The following SCUBE1 variants were observed in gnomAD, a reference collection of about 807,000 sequenced individuals.
SCUBE1 encodes signal peptide, CUB and EGF-like domain-containing protein 1.
SCUBE1 carries 59 observed loss-of-function variants against 124.4 expected under a neutral mutation model. The observed-to-expected ratio is 0.47, with a 90% CI of 0.38 to 0.59. The LOEUF (loss-of-function observed/expected upper bound fraction) is 0.59. Among genes scored for constraint, SCUBE1 ranks in the 20% least tolerant of loss-of-function variants. The pLI is 0.00. For synonymous variants in SCUBE1, 545 were observed against 550.9 expected (o/e 0.99, Z 0.15); for missense variants, 1,150 against 1,371.2 (o/e 0.84, Z 2.55).
intron 6 of SCUBE1, among the ~76,000 whole-genome samples, chr22:43,239,775 T>C (rs1371619762): frequency 6.6e-6 from 1 of 152,204 alleles, no homozygotes; most frequent in Non-Finnish European, 1.5e-5. Context: ...AAGCTGTGGC[T>C]GCATGGGCTT....
chr22:43,214,046 C>CGGGGGGGGGGGGGGGGGGGGGGGGGGG, intron 16 of SCUBE1, 44 bp downstream of exon 16: 21 of 422,702 alleles, frequency 5.0e-5, no homozygotes, highest in Non-Finnish European at 8.7e-5. Flanking sequence ...GAGGAGCCCC[C>CGGGGGGGGGGGGGGGGGGGGGGGGGGG]GCCCACCCCC....
intron 6 of SCUBE1, among the ~76,000 whole-genome samples, chr22:43,245,984 C>T (rs1228309568): frequency 6.6e-6 from 1 of 152,142 alleles, no homozygotes; most frequent in Non-Finnish European, 1.5e-5. Context: ...AGGGACGGTG[C>T]CCTGCAGGAC....
intron 4 of SCUBE1, among the ~76,000 whole-genome samples, chr22:43,272,764 C>T (rs142212138): frequency 6.6e-6 from 1 of 152,340 alleles, no homozygotes; most frequent in East Asian, 1.9e-4. Context: ...TTTGTGTTTA[C>T]ACGCAAGCAA....
chr22:43,275,311 G>A (rs929600196), intron 4 of SCUBE1, among the ~76,000 whole-genome samples: 6 of 152,352 alleles, frequency 3.9e-5, no homozygotes, highest in South Asian at 2.1e-4. Flanking sequence ...CGCGCTGGGC[G>A]TCCCTCTCCT....
In SCUBE1 at chr22:43,330,388, C is replaced by T. The variant is rs182915717; in HGVS notation, c.220+8716G>A. ...GAGGACACCTCCTCTAAGAAGCCCT[C>T]CTGAATTTCTTCCCCTCCTCAGGCA... On this transcript the variant is annotated intron_variant, in intron 2 of 21. Coordinates refer to ENST00000360835, the MANE Select transcript of SCUBE1 (RefSeq NM_173050.5). Among the ~76,000 whole-genome samples, 6 of 152,336 alleles carry T rather than the reference C, an allele frequency of 3.9e-5. No homozygotes were observed. The East Asian group carries it at 1.2e-3, about 29-fold the overall frequency.
intron 6 of SCUBE1, among the ~76,000 whole-genome samples, chr22:43,249,661 T>C (rs766559342): frequency 1.3e-5 from 2 of 152,202 alleles, no homozygotes; most frequent in Non-Finnish European, 2.9e-5. Context: ...AAGCAGGTCA[T>C]GGCCATTTGG....
intron 10 of SCUBE1, 96 bp downstream of exon 10, chr22:43,227,278 G>T: frequency 7.2e-7 from 1 of 1,395,742 alleles, no homozygotes; most frequent in Non-Finnish European, 9.7e-7. Flanking sequence ...GAAAGGGAGG[G>T]GCTGTCCTGC....
chr22:43,278,037 C>T (rs1924603701), intron 4 of SCUBE1, among the ~76,000 whole-genome samples: 1 of 152,222 alleles, frequency 6.6e-6, no homozygotes, highest in Admixed American at 6.5e-5. Context: ...CCCCTGGCGC[C>T]GGCTCAAGGC....
intron 7 of SCUBE1, among the ~76,000 whole-genome samples, chr22:43,237,118 G>T (rs1420421554): frequency 6.9e-6 from 1 of 145,242 alleles, no homozygotes; most frequent in Admixed American, 7.0e-5. Context: ...GGGGGGGGTT[G>T]GGGGGTTGTC....
At chr22:43,309,760 A>G in intron 3 of SCUBE1, among the ~76,000 whole-genome samples, 1 of 152,022 alleles carries the variant, frequency 6.6e-6, no homozygotes, top group Non-Finnish European at 1.5e-5. Context: ...CCACAGCAGC[A>G]GAGCCCCTAG....
At chr22:43,290,973 A>T in intron 4 of SCUBE1, 73 bp downstream of exon 4, 2 of 1,453,250 alleles carry the variant, frequency 1.4e-6, no homozygotes, top group South Asian at 2.9e-5. Flanking sequence ...CAGAATTGAG[A>T]TGTGGAGAAG....
chr22:43,320,444 A>G (rs1024959694), intron 2 of SCUBE1, among the ~76,000 whole-genome samples: 3 of 152,230 alleles, frequency 2.0e-5, no homozygotes, highest in Non-Finnish European at 4.4e-5. Flanking sequence ...TCAGTGTCTG[A>G]TGCCTGCATT....
rs1921543310 is a variant in SCUBE1 at position 43,211,338 on chromosome 22, A to G, written c.2222-255T>C. On this transcript the variant is annotated intron_variant, in intron 17 of 21. Transcript: ENST00000360835. The surrounding 1 kb of genome is among the most constrained non-coding windows in gnomAD (Gnocchi z 4.5). ...AACAGGGACCACACAGGCCACCTTG[A>G]TGGGAGCCATTTTCAGGGAGAGCGG... Among the ~76,000 whole-genome samples, 1 of 152,060 alleles carries G rather than the reference A, an allele frequency of 6.6e-6. No homozygotes were observed. The highest frequency in any genetic ancestry group is 1.5e-5 in the Non-Finnish European group (1 of 68,004).
chr22:43,205,827 C>T (rs1452325634), intron 21 of SCUBE1, among the ~76,000 whole-genome samples: 12 of 105,000 alleles, frequency 1.1e-4, no homozygotes, highest in African/African-American at 3.8e-4. Context: ...CCACTCACCC[C>T]CACACACACC....
At chr22:43,243,345 C>T (rs1050932465) in intron 6 of SCUBE1, among the ~76,000 whole-genome samples, 5 of 152,168 alleles carry the variant, frequency 3.3e-5, no homozygotes, top group Admixed American at 1.3e-4. Context: ...GAAGGCCAGG[C>T]GCAGGGCTGG....
At chr22:43,303,998 C>T (rs1164794160) in intron 3 of SCUBE1, among the ~76,000 whole-genome samples, 2 of 152,212 alleles carry the variant, frequency 1.3e-5, no homozygotes, top group African/African-American at 4.8e-5. Context: ...GCTCCTCTTC[C>T]ATGCCCTCGT....
intron 3 of SCUBE1, among the ~76,000 whole-genome samples, chr22:43,298,471 C>T (rs1009268780): frequency 7.2e-5 from 11 of 152,230 alleles, no homozygotes; most frequent in South Asian, 2.1e-4. Flanking sequence ...GACCAGCAAG[C>T]TCACTGCTCA....
chr22:43,270,341 T>A (rs1924244605), intron 4 of SCUBE1: 2 of 152,236 alleles, frequency 1.3e-5, no homozygotes, highest in Non-Finnish European at 2.9e-5. Flanking sequence ...GCATTTTGGA[T>A]AAAGGATGCT....
At position 43,207,438 on chromosome 22, in the gene SCUBE1, C is replaced by G. The variant is rs866560263; in HGVS notation, c.2814+96G>C. On this transcript the variant is annotated intron_variant, in intron 21 of 21. Coordinates refer to ENST00000360835, the MANE Select transcript of SCUBE1 (RefSeq NM_173050.5). Reference sequence around the variant, plus strand: ...TCCCATCACCACCCACCCTCCCTTGCTCCTCCAGGGGCCAGGGCTGGGGCA... The same window carrying G: ...TCCCATCACCACCCACCCTCCCTTGGTCCTCCAGGGGCCAGGGCTGGGGCA... The G allele has an allele frequency of 2.1e-5, 20 of 948,526 alleles. 1 individual carries two copies. Among genetic ancestry groups the G allele is most frequent in the Middle Eastern group, 2.1e-4 (1 of 4,764 alleles). 58.8% of individuals were successfully genotyped at this position (948,526 alleles called of 1,614,324 possible).
Sources: allele counts gnomAD v4.1 joint callset (sites outside exome capture counted in the v4.1 genomes callset), GRCh38; gene constraint gnomAD v4.1.1; non-coding constraint Gnocchi (gnomAD v3.1); transcripts MANE v1.5; gene names NCBI Gene and HGNC (gene_info 2026-07-23, HGNC 2026-07-21).